ADK: variants seen among roughly 807,000 people sequenced by gnomAD.
ADK encodes the protein N6,N6-dimethyladenosine kinase.
Under a neutral mutation model 44.7 loss-of-function variants are expected in ADK, and 24 were observed. The ratio of observed to expected loss-of-function variants is 0.54; its 90% CI spans 0.39 to 0.76. The LOEUF (loss-of-function observed/expected upper bound fraction) is 0.76. Among genes scored for constraint, ADK ranks in the 30% least tolerant of loss-of-function variants. The pLI, the probability that ADK is intolerant of heterozygous loss-of-function variation, is 0.00. For synonymous variants in ADK, 128 were observed against 142.6 expected (o/e 0.90, Z 0.73); for missense variants, 321 against 425.1 (o/e 0.76, Z 2.15).
chr10:74,623,942 T>G (rs891048771), intron 9 of ADK, among the ~76,000 whole-genome samples: 1 of 152,150 alleles, frequency 6.6e-6, no homozygotes, highest in Admixed American at 6.5e-5. Context: ...AAAATTCATT[T>G]TTCAGAGCAT....
At chr10:74,182,738 C>T (rs534492721) in intron 1 of ADK, among the ~76,000 whole-genome samples, 4 of 152,220 alleles carry the variant, frequency 2.6e-5, no homozygotes, top group South Asian at 4.1e-4. Context: ...TTGAAAAAAG[C>T]GTACAAGGTT....
At chr10:74,205,070 T>TAAAATAAAA (rs1275485186) in intron 2 of ADK, among the ~76,000 whole-genome samples, 1 of 107,646 alleles carries the variant, frequency 9.3e-6, no homozygotes, top group African/African-American at 3.8e-5. Context: ...AAAAAAAAAA[T>TAAAATAAAA]TAAACCAAGC....
At chr10:74,328,328 T>G (rs79484661) in intron 4 of ADK, among the ~76,000 whole-genome samples, 6 of 152,210 alleles carry the variant, frequency 3.9e-5, no homozygotes, top group Non-Finnish European at 8.8e-5. Context: ...ATTAAAGATA[T>G]AAGAGGTTTA....
chr10:74,386,217 A>G (rs1843136019), intron 4 of ADK, among the ~76,000 whole-genome samples: 1 of 151,914 alleles, frequency 6.6e-6, no homozygotes, highest in Non-Finnish European at 1.5e-5. Context: ...AATTTCTTTT[A>G]GTTGTGCTTT....
At chr10:74,332,099 C>T (rs934874010) in intron 4 of ADK, among the ~76,000 whole-genome samples, 3 of 152,164 alleles carry the variant, frequency 2.0e-5, no homozygotes, top group Non-Finnish European at 4.4e-5. Flanking sequence ...CTCAAGTGAT[C>T]CACCCACCTA....
chr10:74,620,811 AT>A (rs746925409), intron 9 of ADK, among the ~76,000 whole-genome samples: 1 of 150,542 alleles, frequency 6.6e-6, no homozygotes, highest in Non-Finnish European at 1.5e-5. Flanking sequence ...CTTTTTTCCC[AT>A]TTTTTTGGCC....
At chr10:74,547,311 A>G (rs1304390377) in intron 7 of ADK, among the ~76,000 whole-genome samples, 1 of 151,770 alleles carries the variant, frequency 6.6e-6, no homozygotes, top group African/African-American at 2.4e-5. Flanking sequence ...GGTTTCCTTA[A>G]TCTGGAGTTC....
intron 4 of ADK, among the ~76,000 whole-genome samples, chr10:74,317,564 A>G (rs1275191392): frequency 4.8e-4 from 9 of 18,880 alleles, no homozygotes; most frequent in Admixed American, 6.6e-4. Context: ...TGTCTCTAGG[A>G]AAAAAAAAAA....
At chr10:74,659,585 A>G (rs1854619511) in intron 9 of ADK, among the ~76,000 whole-genome samples, 1 of 152,224 alleles carries the variant, frequency 6.6e-6, no homozygotes, top group Non-Finnish European at 1.5e-5. Context: ...CTAGAGGGAT[A>G]GAACTAATAG....
chr10:74,648,722 G>A (rs1449100043), intron 9 of ADK, among the ~76,000 whole-genome samples: 1 of 151,872 alleles, frequency 6.6e-6, no homozygotes, highest in Non-Finnish European at 1.5e-5. Context: ...ATATGTTAAT[G>A]GAAAGACATG....
intron 6 of ADK, among the ~76,000 whole-genome samples, chr10:74,407,233 G>A (rs918415175): frequency 4.6e-5 from 7 of 152,138 alleles, no homozygotes; most frequent in Non-Finnish European, 8.8e-5. Flanking sequence ...TGGGATTGCA[G>A]GCATGAGCCG....
chr10:74,657,327 C>T (rs1006161678), intron 9 of ADK, among the ~76,000 whole-genome samples: 17 of 152,148 alleles, frequency 1.1e-4, no homozygotes, highest in African/African-American at 4.1e-4. Flanking sequence ...GTGTTCAGCA[C>T]AGTTAGGTCT....
intron 3 of ADK, among the ~76,000 whole-genome samples, chr10:74,269,085 A>G (rs1846326751): frequency 6.6e-6 from 1 of 152,040 alleles, no homozygotes; most frequent in African/African-American, 2.4e-5. Flanking sequence ...TAAATGTAAC[A>G]TTAATTTTTC....
intron 4 of ADK, among the ~76,000 whole-genome samples, chr10:74,392,308 A>G (rs1564694924): frequency 1.3e-5 from 2 of 152,158 alleles, no homozygotes; most frequent in African/African-American, 4.8e-5. Flanking sequence ...TCACTTCTCC[A>G]CATTTTGCCA....
intron 3 of ADK, among the ~76,000 whole-genome samples, chr10:74,253,242 G>T (rs751373178): frequency 6.6e-6 from 1 of 152,256 alleles, no homozygotes; most frequent in Admixed American, 6.5e-5. Flanking sequence ...GGGCTACCCC[G>T]TAGGCAGAGA....
intron 6 of ADK, among the ~76,000 whole-genome samples, chr10:74,420,743 T>G (rs962718036): frequency 2.0e-5 from 3 of 152,150 alleles, no homozygotes; most frequent in Admixed American, 6.6e-5. Flanking sequence ...TCAATAACTT[T>G]TAAGTAGTAA....
At position 74,655,476 on chromosome 10, in the gene ADK, T is replaced by C. The variant is rs574280864; in HGVS notation, c.878-14707T>C. On this transcript the variant is annotated intron_variant, in intron 9 of 10. Transcript: ENST00000539909. ...GGGCTGAGGAATGACACTCGCAACA[T>C]GCCTGTGCAGCTGCCACTGGCTCAC... 6.3e-6 allele frequency: 3 copies of C among 476,376 alleles called. No individual in the cohort carries two copies. In the East Asian group the frequency reaches 1.7e-4, roughly 27 times the overall value. 29.5% of individuals were successfully genotyped at this position (476,376 alleles called of 1,614,324 possible). A position where few individuals can be genotyped will look rare whatever the true frequency, so the allele number is the denominator to read the frequency against.
chr10:74,628,389 T>C (rs1191905048), intron 9 of ADK, among the ~76,000 whole-genome samples: 2 of 152,024 alleles, frequency 1.3e-5, no homozygotes, highest in Non-Finnish European at 2.9e-5. Context: ...AATAGGATTA[T>C]GGAAATTAGA....
intron 3 of ADK, among the ~76,000 whole-genome samples, chr10:74,247,852 A>G (rs1845485170): frequency 6.6e-6 from 1 of 152,168 alleles, no homozygotes; most frequent in African/African-American, 2.4e-5. Context: ...CTTCAACAAC[A>G]AAACATTGGT....
Sources: gnomAD v4.1 joint callset for allele counts (sites outside exome capture counted in the v4.1 genomes callset) on GRCh38, gnomAD v4.1.1 for gene constraint, MANE v1.5 for transcripts, NCBI Gene and HGNC (gene_info 2026-07-23, HGNC 2026-07-21) for gene names.